ZNF79: variants seen among roughly 807,000 people sequenced by gnomAD.
ZNF79 encodes zinc finger protein 79, also known as ZNFpT7.
In ZNF79, 13 loss-of-function variants were observed where a neutral mutation model predicts 14.9. That is an observed-to-expected ratio of 0.87 (90% CI 0.57 to 1.38). The LOEUF (loss-of-function observed/expected upper bound fraction) is 1.38, where lower values mean the gene tolerates loss of function less well. Among genes scored for constraint, ZNF79 ranks in the 40% most tolerant of loss-of-function variants. The pLI is 0.00. For synonymous variants in ZNF79, 223 were observed against 235.1 expected, an observed-to-expected ratio of 0.95 and a Z score of 0.47; for missense variants, 631 against 630.6, an observed-to-expected ratio of 1.00 and a Z score of -0.01.
At chr9:127,437,313 G>A (rs2131955507) in intron 4 of ZNF79, among the ~76,000 whole-genome samples, 1 of 148,698 alleles carries the variant, frequency 6.7e-6, no homozygotes, top group South Asian at 2.1e-4. Context: ...GAGCCTCCCT[G>A]GCCCTGCTGC....
At position 127,444,177 on chromosome 9, in the gene ZNF79, G is replaced by A. The variant is rs746658246; in HGVS notation, c.477G>A (p.Pro159=). Residue 159 remains proline (P), a synonymous_variant, in exon 5 of 5, where the codon CCG becomes CCA. Coordinates refer to ENST00000342483, the MANE Select transcript of ZNF79 (RefSeq NM_007135.3). ...TCAATCTGAGACCAGTCCTCTCTCCGCAACAGAGAGTGCCCGTGGAAGCGA... is the reference window on the plus strand; with the variant it reads ...TCAATCTGAGACCAGTCCTCTCTCCACAACAGAGAGTGCCCGTGGAAGCGA... The part of the protein sequence containing the change: ...KSFNLRPVLS[P]QQRVPVEARP... The A allele has an allele frequency of 8.7e-6, 14 of 1,613,780 alleles. No individual in the cohort carries two copies. In the Admixed American group the frequency reaches 1.2e-4, roughly 13 times the overall value.
chr9:127,428,694 T>C lies in ZNF79; in HGVS notation c.17-138T>C, dbSNP rs975302360. The C allele has an allele frequency of 8.0e-6, 10 of 1,256,922 alleles. No individual in the cohort carries two copies. In the African/African-American group the frequency reaches 1.4e-4, roughly 18 times the overall value. The allele number at this position is 1,256,922 out of a possible 1,614,324, so 77.9% of individuals were successfully genotyped here. ...ATGGAATTTCTGAGGTAGGAGGGAATGGAGAAATTTACATCACACTACAGG... is the reference window on the plus strand; with the variant it reads ...ATGGAATTTCTGAGGTAGGAGGGAACGGAGAAATTTACATCACACTACAGG... On this transcript the variant is annotated intron_variant, in intron 1 of 4. Transcript: ENST00000342483.
chr9:127,428,790 T>A, intron 1 of ZNF79, 42 bp from the exon 2 acceptor site: 1 of 1,487,714 alleles, frequency 6.7e-7, no homozygotes, highest in Non-Finnish European at 9.0e-7. Flanking sequence ...GGTGACTTCA[T>A]AAACTGCTTT....
chr9:127,441,256 T>A (rs1834042781), intron 4 of ZNF79, among the ~76,000 whole-genome samples: 1 of 152,136 alleles, frequency 6.6e-6, no homozygotes, highest in South Asian at 2.1e-4. Flanking sequence ...GCCTACTTAA[T>A]GCTTTAGGAT....
intron 2 of ZNF79, among the ~76,000 whole-genome samples, chr9:127,432,828 C>A (rs1321986281): frequency 2.0e-5 from 3 of 152,132 alleles, no homozygotes; most frequent in Non-Finnish European, 4.4e-5. Flanking sequence ...GCATTTCCTG[C>A]AGCTTTTTCT....
At chr9:127,427,359 G>A (rs1021615452) in intron 1 of ZNF79, among the ~76,000 whole-genome samples, 7 of 150,738 alleles carry the variant, frequency 4.6e-5, no homozygotes, top group Non-Finnish European at 8.8e-5. Flanking sequence ...GGAGGTGGAG[G>A]TTGCAGTGAG....
At chr9:127,429,671 G>T (rs548134638) in intron 2 of ZNF79, among the ~76,000 whole-genome samples, 2 of 151,780 alleles carry the variant, frequency 1.3e-5, no homozygotes, top group African/African-American at 4.8e-5. Flanking sequence ...CAAGTTTTCT[G>T]CAATGAACAA....
In ZNF79 at chr9:127,424,747, C is replaced by T. The variant is rs1232771740; in HGVS notation, c.-41C>T. 1 of 1,613,440 alleles carries T rather than the reference C, an allele frequency of 6.2e-7. No homozygotes were observed. The highest frequency in any genetic ancestry group is 1.3e-5 in the African/African-American group (1 of 74,976). On this transcript the variant is annotated 5_prime_UTR_variant, in exon 1 of 5. Transcript: ENST00000342483. ...GCTGCTGTAGATAGACCCTTACGCCCAGAGAACTGCTGGGAGGCTGTGGCG... is the reference window on the plus strand; with the variant it reads ...GCTGCTGTAGATAGACCCTTACGCCTAGAGAACTGCTGGGAGGCTGTGGCG...
At chr9:127,433,198 T>C (rs1336329252) in intron 2 of ZNF79, among the ~76,000 whole-genome samples, 2 of 152,128 alleles carry the variant, frequency 1.3e-5, no homozygotes, top group African/African-American at 4.8e-5. Flanking sequence ...GGTTCCAATA[T>C]GGAAATTGTT....
In ZNF79 at chr9:127,445,228, C is replaced by T. The variant is rs144096897; in HGVS notation, c.*31C>T. 754 of 1,602,118 alleles carry T rather than the reference C, an allele frequency of 4.7e-4. 10 individuals are homozygous for T. The East Asian group carries it at 0.012, about 26-fold the overall frequency. On this transcript the variant is annotated 3_prime_UTR_variant, in exon 5 of 5. Coordinates refer to ENST00000342483, the MANE Select transcript of ZNF79 (RefSeq NM_007135.3). ...AACATGGTAGAAGTGGAGAGAGTCC[C>T]GGACATGCCGACTCAGGACAGGTGG...
chr9:127,431,897 G>A (rs967414450), intron 2 of ZNF79, among the ~76,000 whole-genome samples: 5 of 152,214 alleles, frequency 3.3e-5, no homozygotes, highest in Admixed American at 3.3e-4. Context: ...TTAGAGGTGT[G>A]CAACTTTATT....
chr9:127,434,935 C>T (rs1588072469), intron 2 of ZNF79, among the ~76,000 whole-genome samples, 155 bp from the exon 3 acceptor site: 2 of 152,176 alleles, frequency 1.3e-5, no homozygotes, highest in South Asian at 2.1e-4. Context: ...GGAGTACAGG[C>T]GTGAGCCACC....
At position 127,444,489 on chromosome 9, in the gene ZNF79, C is replaced by T; in HGVS notation, c.789C>T (p.Asn263=). 1.2e-6 allele frequency: 2 copies of T among 1,610,874 alleles called. No homozygotes were observed. The highest frequency in any genetic ancestry group is 2.7e-5 in the African/African-American group (2 of 74,906). ...ECGRAFSQNA[N]LTKHQRTHTG... is the part of the protein sequence containing the mutation. ...GAAGAGCCTTCAGCCAGAACGCCAACCTCACCAAACACCAGCGAACCCACA... is the reference window on the plus strand; with the variant it reads ...GAAGAGCCTTCAGCCAGAACGCCAATCTCACCAAACACCAGCGAACCCACA... Residue 263 remains asparagine, a synonymous_variant, in exon 5 of 5, where the codon AAC becomes AAT. Coordinates refer to ENST00000342483, the MANE Select transcript of ZNF79 (RefSeq NM_007135.3).
intron 2 of ZNF79, among the ~76,000 whole-genome samples, chr9:127,431,258 T>C (rs996178702): frequency 1.3e-5 from 2 of 151,358 alleles, no homozygotes; most frequent in Non-Finnish European, 2.9e-5. Context: ...CTTTTTCTTT[T>C]CTTTTTTTTT....
intron 4 of ZNF79, among the ~76,000 whole-genome samples, 160 bp from the exon 5 acceptor site, chr9:127,443,869 C>CCAG (rs1412329610): frequency 6.8e-6 from 1 of 147,638 alleles, no homozygotes; most frequent in Non-Finnish European, 1.5e-5. Flanking sequence ...CCACTGCACT[C>CCAG]CAGCCTGGGC....
chr9:127,426,915 T>C (rs1296833191), intron 1 of ZNF79, among the ~76,000 whole-genome samples: 1 of 152,198 alleles, frequency 6.6e-6, no homozygotes, highest in African/African-American at 2.4e-5. Context: ...CTCAGCAGTG[T>C]ATGAGGTTTC....
chr9:127,442,264 G>T (rs1834062379), intron 4 of ZNF79, among the ~76,000 whole-genome samples: 1 of 151,768 alleles, frequency 6.6e-6, no homozygotes, highest in Admixed American at 6.6e-5. Flanking sequence ...AGCCAGGCAT[G>T]GTGGCGGGCA....
intron 1 of ZNF79, 165 bp from the exon 2 acceptor site, chr9:127,428,667 T>C (rs1022367545): frequency 1.6e-6 from 2 of 1,242,408 alleles, no homozygotes; most frequent in South Asian, 3.3e-5. Context: ...CTGAGTGAGT[T>C]GATGGAATTT....
chr9:127,444,166 G>C lies in ZNF79; in HGVS notation c.466G>C (p.Val156Leu). 1.2e-6 allele frequency: 2 copies of C among 1,613,872 alleles called. No individual in the cohort carries two copies. Among genetic ancestry groups the C allele is most frequent in the Non-Finnish European group, 1.7e-6 (2 of 1,180,028 alleles). The change falls in exon 5 of 5, where the codon GTC (valine) becomes CTC (leucine). Residue 156 changes from valine (V) to leucine (L), a missense_variant. Physicochemically the swap from Val to Leu is conservative, Grantham distance 32. Coordinates refer to ENST00000342483, the MANE Select transcript of ZNF79 (RefSeq NM_007135.3). ...DLEKSFNLRP[V>L]LSPQQRVPVE... Reference sequence around the variant, plus strand: ...TGAGAAGAGCTTCAATCTGAGACCAGTCCTCTCTCCGCAACAGAGAGTGCC... The same window carrying C: ...TGAGAAGAGCTTCAATCTGAGACCACTCCTCTCTCCGCAACAGAGAGTGCC...
Sources: gnomAD v4.1 joint callset for allele counts (sites outside exome capture counted in the v4.1 genomes callset) on GRCh38, gnomAD v4.1.1 for gene constraint, MANE v1.5 for transcripts, NCBI Gene and HGNC (gene_info 2026-07-23, HGNC 2026-07-21) for gene names.